CCNB2: variants seen among roughly 807,000 people sequenced by gnomAD.
The protein encoded by CCNB2 is G2/mitotic-specific cyclin-B2.
CCNB2 carries 39 observed loss-of-function variants against 51.1 expected under a neutral mutation model. That is an observed-to-expected ratio of 0.76 (90% CI 0.59 to 1.00). CCNB2 has a LOEUF of 1.00. CCNB2 is among the 50% of genes least tolerant of loss of function. The pLI is 0.00. For synonymous variants in CCNB2, 174 were observed against 165.5 expected, an observed-to-expected ratio of 1.05 and a Z score of -0.40; for missense variants, 472 against 470.3, an observed-to-expected ratio of 1.00 and a Z score of -0.03.
At chr15:59,119,881 G>GT (rs757680909) in intron 7 of CCNB2, among the ~76,000 whole-genome samples, 1 of 151,928 alleles carries the variant, frequency 6.6e-6, no homozygotes, top group Non-Finnish European at 1.5e-5. Context: ...TAATTTTAAA[G>GT]TTTTTTTGTA....
chr15:59,124,707 T>C lies in CCNB2; in HGVS notation c.1087-60T>C, dbSNP rs182717202. 1.1e-4 allele frequency: 124 copies of C among 1,126,128 alleles called. No homozygotes were observed. The Middle Eastern group carries it at 4.2e-3, about 38-fold the overall frequency. 69.8% of individuals were successfully genotyped at this position (1,126,128 alleles called of 1,614,324 possible). On this transcript the variant is annotated intron_variant, in intron 8 of 8. Coordinates refer to ENST00000288207, the MANE Select transcript of CCNB2 (RefSeq NM_004701.4). ...GACCTTTGATAATTGTGAGTTAGACTAGGAATAAGGTATCATTGGGGGTTC... is the reference window on the plus strand; with the variant it reads ...GACCTTTGATAATTGTGAGTTAGACCAGGAATAAGGTATCATTGGGGGTTC...
rs144990663 is a variant in CCNB2, at chr15:59,124,620, C to G, written c.1087-147C>G. ...GAAATGGTCAGGCACATGTTATGAGCCCAGAGCTTTCACTGGCTTCAGCGA... is the reference window on the plus strand; with the variant it reads ...GAAATGGTCAGGCACATGTTATGAGGCCAGAGCTTTCACTGGCTTCAGCGA... On this transcript the variant is annotated intron_variant, in intron 8 of 8. Coordinates refer to ENST00000288207, the MANE Select transcript of CCNB2 (RefSeq NM_004701.4). The G allele has an allele frequency of 4.8e-4, 320 of 671,206 alleles. No homozygotes were observed. The African/African-American group carries it at 5.5e-3, about 12-fold the overall frequency. 41.6% of individuals were successfully genotyped at this position (671,206 alleles called of 1,614,324 possible). A position where few individuals can be genotyped will look rare whatever the true frequency, so the allele number is the denominator to read the frequency against.
intron 3 of CCNB2, among the ~76,000 whole-genome samples, chr15:59,112,486 A>G (rs539128933): frequency 6.6e-6 from 1 of 151,862 alleles, no homozygotes; most frequent in African/African-American, 2.4e-5. Flanking sequence ...CTGGGATTAC[A>G]GGTGTGTGAC....
chr15:59,110,122 T>C (rs1306079641), intron 3 of CCNB2, among the ~76,000 whole-genome samples: 1 of 151,962 alleles, frequency 6.6e-6, no homozygotes, highest in African/African-American at 2.4e-5. Context: ...ACCATAAATA[T>C]GTTACTAAAG....
At chr15:59,123,218 CA>C (rs1163780778) in intron 7 of CCNB2, among the ~76,000 whole-genome samples, 2 of 152,152 alleles carry the variant, frequency 1.3e-5, no homozygotes, top group Admixed American at 1.3e-4. Context: ...CATCCCCTTT[CA>C]GTGTTGTTAC....
At chr15:59,121,226 AC>A (rs1304470388) in intron 7 of CCNB2, 1 of 152,138 alleles carries the variant, frequency 6.6e-6, no homozygotes, top group African/African-American at 2.4e-5. Flanking sequence ...GAGGAGGGAA[AC>A]GTGGCACATG....
chr15:59,119,661 G>A (rs1330125190), intron 7 of CCNB2, among the ~76,000 whole-genome samples: 1 of 152,100 alleles, frequency 6.6e-6, no homozygotes, highest in East Asian at 1.9e-4. Flanking sequence ...ATTTATTCAT[G>A]TTATTAAGGA....
Position 59,107,340 on chromosome 15 carries a change from A to C in CCNB2, c.43A>C (p.Asn15His), listed in dbSNP as rs760169940. 1 of 1,604,214 alleles carries C rather than the reference A, an allele frequency of 6.2e-7. No homozygotes were observed. Among genetic ancestry groups the C allele is most frequent in the Non-Finnish European group, 8.5e-7 (1 of 1,175,660 alleles). Residue 15 changes from asparagine (N) to histidine (H), a missense_variant, in exon 2 of 9, where the codon AAT (asparagine) becomes CAT (histidine). Asn to His is a moderately conservative substitution (Grantham distance 68). Transcript: ENST00000288207. ...TTTTCAGGTGTCCAGTGATTTGGAG[A>C]ATATTGACACAGGAGTTAATTCTAA... ...RRPTVSSDLENIDTGVNSKVK... is the reference protein window; with the variant it reads ...RRPTVSSDLEHIDTGVNSKVK...
In CCNB2 at chr15:59,107,329, G is replaced by C. The variant is rs1399354319; in HGVS notation, c.32G>C (p.Ser11Thr). ...TTTTTTTTTTTTTTTCAGGTGTCCA[G>C]TGATTTGGAGAATATTGACACAGGA... MALLRRPTVS[S>T]DLENIDTGVN... The change falls in exon 2 of 9, where the codon AGT (serine) becomes ACT (threonine). Residue 11 changes from serine to threonine, a missense_variant. Physicochemically the swap from Ser to Thr is moderately conservative, Grantham distance 58 (BLOSUM62 1). Coordinates refer to ENST00000288207, the MANE Select transcript of CCNB2 (RefSeq NM_004701.4). The C allele has an allele frequency of 6.4e-7, 1 of 1,567,322 alleles. No homozygotes were observed. Among genetic ancestry groups the C allele is most frequent in the East Asian group, 2.3e-5 (1 of 44,310 alleles).
At chr15:59,110,848 C>T (rs2079254731) in intron 3 of CCNB2, among the ~76,000 whole-genome samples, 1 of 152,144 alleles carries the variant, frequency 6.6e-6, no homozygotes. Context: ...ATTAATGAGG[C>T]TTTGGTAAAC....
At position 59,122,052 on chromosome 15, in the gene CCNB2, C is replaced by T. The variant is rs192492060; in HGVS notation, c.976-1465C>T. 1.3e-4 allele frequency among the ~76,000 whole-genome samples: 19 copies of T among 146,360 alleles called. No homozygotes were observed. The East Asian group carries it at 2.4e-3, about 19-fold the overall frequency. On this transcript the variant is annotated intron_variant, in intron 7 of 8. Transcript: ENST00000288207. ...AGGATCACTTGAGCCCAGGATGTCA[C>T]GGCTGCAGTGAGCTTTGATAGTGCC...
At chr15:59,110,078 G>A (rs1299690861) in intron 3 of CCNB2, among the ~76,000 whole-genome samples, 1 of 151,666 alleles carries the variant, frequency 6.6e-6, no homozygotes, top group Non-Finnish European at 1.5e-5. Flanking sequence ...AAGAAGAAAA[G>A]AAGGCTTTTT....
At position 59,122,417 on chromosome 15, in the gene CCNB2, G is replaced by T. The variant is rs556452438; in HGVS notation, c.976-1100G>T. On this transcript the variant is annotated intron_variant, in intron 7 of 8. Transcript: ENST00000288207. ...TTTATGTATTTTTAGTAGAGATGGG[G>T]TTTCACCATGTTGGTCAGGCTGGTC... 1.3e-4 allele frequency among the ~76,000 whole-genome samples: 20 copies of T among 151,308 alleles called. No individual in the cohort carries two copies. The East Asian group carries it at 3.5e-3, about 27-fold the overall frequency.
Position 59,107,302 on chromosome 15 carries a change from C to CTTTTTTTTTTTTTTTTTTTT in CCNB2, c.25-4_25-3insTTTTTTTTTTTTTTTTTTTT. 7.2e-7 allele frequency: 1 copy of CTTTTTTTTTTTTTTTTTTTT among 1,387,932 alleles called. No homozygotes were observed. The highest frequency in any genetic ancestry group is 9.7e-7 in the Non-Finnish European group (1 of 1,031,170). The allele number at this position is 1,387,932 out of a possible 1,614,324, so 86.0% of individuals were successfully genotyped here. A position where few individuals can be genotyped will look rare whatever the true frequency, so the allele number is the denominator to read the frequency against. On this transcript the variant is annotated intron_variant, in intron 1 of 8. Transcript: ENST00000288207. ...TTCAAATTCTTTCAAGGTTTCATTA[C>CTTTTTTTTTTTTTTTTTTTT]TTTTTTTTTTTTTTTTCAGGTGTCC...
rs2079240437 is a variant in CCNB2 at position 59,107,441 on chromosome 15, A to G, written c.144A>G (p.Gln48=). ...IGNRVTTRAA[Q]VAKKAQNTKV... is the part of the protein sequence containing the mutation. ...ATAGAGTTACAACCAGAGCAGCACA[A>G]GTAGCTAAGGTAACAATGATGAAGA... The change falls in exon 2 of 9, where the codon CAA becomes CAG. Residue 48 remains glutamine, a synonymous_variant. Transcript: ENST00000288207. The G allele has an allele frequency of 3.7e-6, 6 of 1,614,182 alleles. No homozygotes were observed. Among genetic ancestry groups the G allele is most frequent in the Non-Finnish European group, 5.1e-6 (6 of 1,180,038 alleles).
chr15:59,114,901 C>T (rs373216298), intron 5 of CCNB2, 25 bp downstream of exon 5: 61 of 1,591,876 alleles, frequency 3.8e-5, no homozygotes, highest in Admixed American at 2.7e-4. Context: ...AGGGACTTCA[C>T]GCCAGTGGCT....
intron 7 of CCNB2, among the ~76,000 whole-genome samples, 196 bp downstream of exon 7, chr15:59,117,564 G>A (rs1297482596): frequency 6.6e-6 from 1 of 152,148 alleles, no homozygotes; most frequent in Admixed American, 6.5e-5. Context: ...GACTTCCCAG[G>A]CTCAAGTAAT....
At chr15:59,123,114 A>G (rs747660910) in intron 7 of CCNB2, among the ~76,000 whole-genome samples, 6 of 152,218 alleles carry the variant, frequency 3.9e-5, no homozygotes, top group African/African-American at 1.2e-4. Flanking sequence ...TCTTGAGCTC[A>G]TAACAGGGAC....
At chr15:59,113,881 A>C (rs2079267841) in intron 3 of CCNB2, among the ~76,000 whole-genome samples, 1 of 152,000 alleles carries the variant, frequency 6.6e-6, no homozygotes, top group Non-Finnish European at 1.5e-5. Context: ...TGTATTTTTA[A>C]AGTAGAGATG....
Sources: gnomAD v4.1 joint callset for allele counts (sites outside exome capture counted in the v4.1 genomes callset) on GRCh38, gnomAD v4.1.1 for gene constraint, MANE v1.5 for transcripts, NCBI Gene and HGNC (gene_info 2026-07-23, HGNC 2026-07-21) for gene names.